The following MAPK8IP3 variants were observed in gnomAD, a reference collection of about 807,000 sequenced individuals.
The protein encoded by MAPK8IP3 is mitogen-activated protein kinase 8 interacting protein 3, also known as C-Jun-amino-terminal kinase-interacting protein 3.
Under a neutral mutation model 157.8 loss-of-function variants are expected in MAPK8IP3, and 49 were observed. The observed-to-expected ratio is 0.31, with a 90% CI of 0.25 to 0.39. The LOEUF is 0.39. Ranked by LOEUF, MAPK8IP3 falls within the 10% of genes least tolerant of loss-of-function variation. MAPK8IP3 has a pLI of 1.00. For synonymous variants in MAPK8IP3, 897 were observed against 777.7 expected, an observed-to-expected ratio of 1.15 and a Z score of -2.55; for missense variants, 1,478 against 1,889.4, an observed-to-expected ratio of 0.78 and a Z score of 4.04.
chr16:1,766,979 C>T lies in MAPK8IP3; in HGVS notation c.3088+8C>T, dbSNP rs1202004477. ...TCTTCCACCGTGGTGAAGGTGGGGC[C>T]TGGCAGCACGGGGTGTGTGGGTGGC... On this transcript the variant is annotated splice_region_variant and intron_variant, in intron 25 of 31. Transcript: ENST00000610761. 1.3e-6 allele frequency: 2 copies of T among 1,581,732 alleles called. No homozygotes were observed. The highest frequency in any genetic ancestry group is 1.7e-6 in the Non-Finnish European group (2 of 1,161,648).
chr16:1,764,646 T>G (rs927840028), intron 19 of MAPK8IP3, among the ~76,000 whole-genome samples, 187 bp downstream of exon 19: 2 of 152,168 alleles, frequency 1.3e-5, no homozygotes, highest in Non-Finnish European at 2.9e-5. Context: ...TTCTGGGTTT[T>G]CAGTTTTCAC....
rs2038758838 is a variant in MAPK8IP3 at position 1,724,743 on chromosome 16, G to A, written c.439+66G>A. 3.8e-6 allele frequency: 6 copies of A among 1,574,042 alleles called. No individual in the cohort carries two copies. Among genetic ancestry groups the A allele is most frequent in the Non-Finnish European group, 4.3e-6 (5 of 1,157,234 alleles). ...GCTGCTCTGGGACGGCTCTGGTTGGGGTGGGCATGGAGCGCCTTCCACACA... is the reference window on the plus strand; with the variant it reads ...GCTGCTCTGGGACGGCTCTGGTTGGAGTGGGCATGGAGCGCCTTCCACACA... On this transcript the variant is annotated intron_variant, in intron 2 of 31. Transcript: ENST00000610761. The surrounding 1 kb of genome is among the most constrained non-coding windows in gnomAD (Gnocchi z 4.1).
At chr16:1,757,700 A>C (rs1414324231) in intron 8 of MAPK8IP3, among the ~76,000 whole-genome samples, 2 of 152,206 alleles carry the variant, frequency 1.3e-5, no homozygotes, top group Non-Finnish European at 2.9e-5. Flanking sequence ...CCAGAAGCCT[A>C]GGAGTCCAGC....
chr16:1,740,606 T>C (rs549582257), intron 4 of MAPK8IP3, among the ~76,000 whole-genome samples: 1 of 152,350 alleles, frequency 6.6e-6, no homozygotes, highest in East Asian at 1.9e-4. Context: ...GTGCGCATTC[T>C]GCTGCCCACG....
chr16:1,709,401 G>A (rs373923247), intron 1 of MAPK8IP3, among the ~76,000 whole-genome samples: 1 of 152,184 alleles, frequency 6.6e-6, no homozygotes, highest in Non-Finnish European at 1.5e-5. Flanking sequence ...CAGTGGCCGC[G>A]GACTTTGCAA....
intron 14 of MAPK8IP3, 71 bp downstream of exon 14, chr16:1,762,552 T>C (rs1028971596): frequency 1.3e-6 from 2 of 1,591,162 alleles, no homozygotes; most frequent in African/African-American, 2.7e-5. Flanking sequence ...CTCCCTCCTC[T>C]GCACCTCCCT....
rs570675068 is a variant in MAPK8IP3 at position 1,752,178 on chromosome 16, A to G, written c.1216+3458A>G. Reference sequence around the variant, plus strand: ...CAGCCACCCCCTGCAGCACCCACCTAGAGGGCACTGGCCAGGAGTCTGCTT... The same window carrying G: ...CAGCCACCCCCTGCAGCACCCACCTGGAGGGCACTGGCCAGGAGTCTGCTT... On this transcript the variant is annotated intron_variant, in intron 8 of 31. Coordinates refer to ENST00000610761, the MANE Select transcript of MAPK8IP3 (RefSeq NM_001318852.2). The G allele has an allele frequency of 9.4e-5, 15 of 159,164 alleles. No homozygotes were observed. The South Asian group carries it at 1.6e-3, about 17-fold the overall frequency. The allele number at this position is 159,164 out of a possible 1,614,324, so 9.9% of individuals were successfully genotyped here.
chr16:1,764,065 A>AT (rs2042112741), intron 17 of MAPK8IP3, 50 bp from the exon 18 acceptor site: 1 of 1,507,374 alleles, frequency 6.6e-7, no homozygotes, highest in African/African-American at 1.4e-5. Flanking sequence ...TTCTGGAGGG[A>AT]TGGGTAGGAG....
chr16:1,765,664 CG>C (rs1262467683), intron 20 of MAPK8IP3, among the ~76,000 whole-genome samples: 3 of 152,190 alleles, frequency 2.0e-5, no homozygotes, highest in Non-Finnish European at 4.4e-5. Flanking sequence ...ACCACAGGGC[CG>C]TCTGGGGTCC....
Position 1,767,371 on chromosome 16 carries a change from G to A in MAPK8IP3, c.3237+74G>A, listed in dbSNP as rs887716379. ...AGCAGCTCTCCCGCATCTTCCATAC[G>A]GAAGTCCACGAGGCCCTACGTGGGT... On this transcript the variant is annotated intron_variant, in intron 26 of 31. Transcript: ENST00000610761. 1.4e-5 allele frequency: 22 copies of A among 1,590,482 alleles called. No individual in the cohort carries two copies. The East Asian group carries it at 2.7e-4, about 19-fold the overall frequency.
Position 1,765,039 on chromosome 16 carries a change from C to T in MAPK8IP3, c.2307C>T (p.Ala769=). The change falls in exon 20 of 32, where the codon GCC becomes GCT. Residue 769 remains alanine (A), a synonymous_variant. Coordinates refer to ENST00000610761, the MANE Select transcript of MAPK8IP3 (RefSeq NM_001318852.2). The stretch of plus-strand genomic sequence containing the variant: ...CCAAGGAGCTCCCTGAAATGGACGC[C>T]ACCTCCAGCCGGGTGTGGATCCTGA... ...KKAKELPEMD[A]TSSRVWILTS... 1 of 1,610,504 alleles carries T rather than the reference C, an allele frequency of 6.2e-7. No individual in the cohort carries two copies. The highest frequency in any genetic ancestry group is 8.5e-7 in the Non-Finnish European group (1 of 1,178,054).
intron 5 of MAPK8IP3, chr16:1,746,715 C>A: frequency 2.6e-6 from 1 of 381,234 alleles, no homozygotes; most frequent in Non-Finnish European, 4.8e-6. Context: ...CCGCTGTGTC[C>A]CTGGCGAGGC....
chr16:1,750,076 T>C (rs1567186403), intron 8 of MAPK8IP3, among the ~76,000 whole-genome samples: 1 of 152,176 alleles, frequency 6.6e-6, no homozygotes. Context: ...TGTGGAACTT[T>C]TCTCATGTGT....
intron 2 of MAPK8IP3, 137 bp from the exon 3 acceptor site, chr16:1,729,001 C>T: frequency 1.3e-6 from 1 of 778,628 alleles, no homozygotes; most frequent in Non-Finnish European, 2.2e-6. Flanking sequence ...CTTGCACTTG[C>T]CGGGCTGCTG....
Position 1,766,005 on chromosome 16 carries a change from G to C in MAPK8IP3, c.2492G>C (p.Ser831Thr). The C allele has an allele frequency of 6.2e-7, 1 of 1,612,814 alleles. No homozygotes were observed. ...DYPPGEMFLD[S>T]DVNPEDPGAD... ...CCTCCCGGGGAGATGTTCCTGGACA[G>C]CGACGTGAACCCAGAGGACCCGGGC... Residue 831 changes from serine to threonine, a missense_variant, in exon 21 of 32, where the codon AGC (serine) becomes ACC (threonine). Ser to Thr is a moderately conservative substitution (Grantham distance 58). Transcript: ENST00000610761.
At chr16:1,761,081 G>A (rs914249380) in intron 12 of MAPK8IP3, 143 bp from the exon 13 acceptor site, 12 of 673,014 alleles carry the variant, frequency 1.8e-5, no homozygotes, top group African/African-American at 7.1e-5. Context: ...TGAACCAAAC[G>A]GCTGCTGAAG....
intron 4 of MAPK8IP3, among the ~76,000 whole-genome samples, chr16:1,732,162 C>T (rs934385837): frequency 1.3e-5 from 2 of 152,178 alleles, no homozygotes; most frequent in African/African-American, 4.8e-5. Flanking sequence ...TTGGCGCTCT[C>T]GTTCTGAGTC....
Position 1,761,291 on chromosome 16 carries a change from C to T in MAPK8IP3, c.1525C>T (p.Leu509Phe). 6.2e-7 allele frequency: 1 copy of T among 1,613,504 alleles called. No homozygotes were observed. Among genetic ancestry groups the T allele is most frequent in the Non-Finnish European group, 8.5e-7 (1 of 1,179,988 alleles). Reference protein sequence around the residue: ...KEEAEDVSSYLCTESDKIPMA... With the variant: ...KEEAEDVSSYFCTESDKIPMA... ...AGAGGCGGAGGATGTAAGCAGCTAT[C>T]TCTGTACAGAATCGGTACATCCACT... The change falls in exon 13 of 32, where the codon CTC becomes TTC. Residue 509 changes from leucine to phenylalanine, a missense_variant. By Grantham distance (22) the Leu-to-Phe change is conservative. This residue lies in a region of MAPK8IP3 where 96 missense variants were observed against 106.3 expected (regional missense o/e 0.90). Coordinates refer to ENST00000610761, the MANE Select transcript of MAPK8IP3 (RefSeq NM_001318852.2).
Position 1,706,771 on chromosome 16 carries a change from G to A in MAPK8IP3, c.318+114G>A, listed in dbSNP as rs576789315. The A allele has an allele frequency of 7.5e-6, 9 of 1,195,234 alleles. No homozygotes were observed. In the African/African-American group the frequency reaches 1.5e-4, roughly 20 times the overall value. 74.0% of individuals were successfully genotyped at this position (1,195,234 alleles called of 1,614,324 possible). A position where few individuals can be genotyped will look rare whatever the true frequency, so the allele number is the denominator to read the frequency against. Reference sequence around the variant, plus strand: ...ACCCCGCTCCGGCACCCCGGACCGCGGGACCCCTGGACCCCCAGACCCCGC... The same window carrying A: ...ACCCCGCTCCGGCACCCCGGACCGCAGGACCCCTGGACCCCCAGACCCCGC... On this transcript the variant is annotated intron_variant, in intron 1 of 31. Coordinates refer to ENST00000610761, the MANE Select transcript of MAPK8IP3 (RefSeq NM_001318852.2). This position sits in a 1 kb window ranked among gnomAD's most constrained non-coding sequence, Gnocchi z 5.1.
Sources: gnomAD v4.1 joint callset for allele counts (sites outside exome capture counted in the v4.1 genomes callset) on GRCh38, gnomAD v4.1.1 for gene constraint, gnomAD v4.1.1 regional missense constraint, Gnocchi (gnomAD v3.1) non-coding constraint, MANE v1.5 for transcripts, NCBI Gene and HGNC (gene_info 2026-07-23, HGNC 2026-07-21) for gene names.